Variants in CPQ observed in about 807,000 individuals in gnomAD.
The protein encoded by CPQ is Ser-Met dipeptidase.
CPQ carries 37 observed loss-of-function variants against 45.7 expected under a neutral mutation model. That is an observed-to-expected ratio of 0.81 (90% CI 0.62 to 1.07). The LOEUF is 1.07. Ranked by LOEUF, CPQ falls within the 50% of genes least tolerant of loss-of-function variation. The probability of loss-of-function intolerance (pLI) is 0.00; values close to 1 mark genes in which losing one functional copy is unlikely to be tolerated. For missense variants in CPQ, 537 were observed against 572.9 expected, an observed-to-expected ratio of 0.94 and a Z score of 0.64; for synonymous variants, 186 against 205.8, an observed-to-expected ratio of 0.90 and a Z score of 0.82.
At chr8:96,792,203 G>A (rs529911844) in intron 2 of CPQ, among the ~76,000 whole-genome samples, 1 of 152,264 alleles carries the variant, frequency 6.6e-6, no homozygotes, top group South Asian at 2.1e-4. Flanking sequence ...AGTCCGAAGA[G>A]ATGAAGGACA....
At chr8:96,965,681 T>G (rs1813544309) in intron 4 of CPQ, among the ~76,000 whole-genome samples, 1 of 152,280 alleles carries the variant, frequency 6.6e-6, no homozygotes, top group South Asian at 2.1e-4. Context: ...GCCAATTTCT[T>G]TAGTAGTCAA....
At chr8:96,879,605 T>C (rs1180770203) in intron 3 of CPQ, among the ~76,000 whole-genome samples, 193 bp from the exon 4 acceptor site, 4 of 152,244 alleles carry the variant, frequency 2.6e-5, no homozygotes, top group African/African-American at 7.2e-5. Flanking sequence ...AATTGAAGTT[T>C]CTAATTTATT....
chr8:96,845,342 G>A (rs1394488059), intron 3 of CPQ, among the ~76,000 whole-genome samples: 2 of 152,146 alleles, frequency 1.3e-5, no homozygotes, highest in Non-Finnish European at 2.9e-5. Context: ...GTACCTCATT[G>A]TATTCTCAGT....
At chr8:96,987,275 G>T (rs894645537) in intron 5 of CPQ, among the ~76,000 whole-genome samples, 3 of 152,096 alleles carry the variant, frequency 2.0e-5, no homozygotes, top group Non-Finnish European at 4.4e-5. Context: ...AAAACCAATA[G>T]TGTCTTTCAG....
At chr8:96,947,350 G>C (rs955478958) in intron 4 of CPQ, among the ~76,000 whole-genome samples, 19 of 152,112 alleles carry the variant, frequency 1.2e-4, no homozygotes, top group Non-Finnish European at 1.6e-4. Context: ...TATGGTGCTT[G>C]CACAACAAAG....
At chr8:96,687,267 C>T (rs892765573) in intron 1 of CPQ, among the ~76,000 whole-genome samples, 2 of 151,212 alleles carry the variant, frequency 1.3e-5, no homozygotes, top group Non-Finnish European at 2.9e-5. Context: ...GGCTGGAGTG[C>T]AATGGTGCAA....
intron 6 of CPQ, among the ~76,000 whole-genome samples, chr8:97,045,808 T>A (rs1465651557): frequency 6.6e-6 from 1 of 152,208 alleles, no homozygotes; most frequent in Non-Finnish European, 1.5e-5. Context: ...CAAAGAGTGG[T>A]CTCTCTAAGA....
In CPQ at chr8:97,098,454, G is replaced by C. The variant is rs1031196048; in HGVS notation, c.1255+32244G>C. On this transcript the variant is annotated intron_variant, in intron 7 of 7. Coordinates refer to ENST00000220763, the MANE Select transcript of CPQ (RefSeq NM_016134.4). ...CATACTCCCCTTCCAACTCTAGACA[G>C]CAACTCTCAGCAGAAGCCCTGCTGG... is the stretch of plus-strand genomic sequence containing the variant. Among the ~76,000 whole-genome samples, 6 of 152,136 alleles carry C rather than the reference G, an allele frequency of 3.9e-5. 1 individual carries two copies. The highest frequency in any genetic ancestry group is 3.9e-4 in the Admixed American group (6 of 15,266).
chr8:96,793,886 A>G (rs1810886889), intron 2 of CPQ, among the ~76,000 whole-genome samples: 1 of 152,222 alleles, frequency 6.6e-6, no homozygotes. Flanking sequence ...TAAAGCTTCA[A>G]AATGATCTCC....
intron 7 of CPQ, among the ~76,000 whole-genome samples, chr8:97,115,321 G>T (rs1406425330): frequency 6.6e-6 from 1 of 152,178 alleles, no homozygotes; most frequent in Admixed American, 6.5e-5. Flanking sequence ...ATATTGGCAG[G>T]GGTGAGTGTG....
At chr8:96,869,365 GA>G (rs1319200885) in intron 3 of CPQ, among the ~76,000 whole-genome samples, 1 of 151,878 alleles carries the variant, frequency 6.6e-6, no homozygotes, top group Non-Finnish European at 1.5e-5. Context: ...TGGTTTTAGA[GA>G]AAAAAACACT....
chr8:96,939,246 G>C (rs1439322504), intron 4 of CPQ, among the ~76,000 whole-genome samples: 1 of 152,202 alleles, frequency 6.6e-6, no homozygotes, highest in African/African-American at 2.4e-5. Flanking sequence ...TAAGGAGCAT[G>C]CATGTGCAGT....
intron 2 of CPQ, among the ~76,000 whole-genome samples, chr8:96,823,277 T>C (rs942535399): frequency 1.3e-5 from 2 of 152,032 alleles, no homozygotes; most frequent in East Asian, 1.9e-4. Context: ...CATTCCACAT[T>C]TTATACTCAT....
intron 7 of CPQ, 91 bp from the exon 8 acceptor site, chr8:97,142,929 T>C: frequency 8.0e-7 from 1 of 1,257,086 alleles, no homozygotes; most frequent in Non-Finnish European, 1.1e-6. Flanking sequence ...GACTGTATAA[T>C]AGGAGCAGGC....
At chr8:96,988,080 T>G (rs1202766008) in intron 5 of CPQ, among the ~76,000 whole-genome samples, 2 of 152,226 alleles carry the variant, frequency 1.3e-5, no homozygotes, top group Non-Finnish European at 2.9e-5. Flanking sequence ...AGACACTTTT[T>G]GTTGTTTTTG....
At chr8:97,049,591 G>A (rs1021520345) in intron 6 of CPQ, among the ~76,000 whole-genome samples, 2 of 152,212 alleles carry the variant, frequency 1.3e-5, no homozygotes, top group African/African-American at 4.8e-5. Context: ...GTGACACATT[G>A]AGATGGGTTA....
chr8:96,805,723 T>A (rs1200726285), intron 2 of CPQ, among the ~76,000 whole-genome samples: 1 of 152,116 alleles, frequency 6.6e-6, no homozygotes, highest in Non-Finnish European at 1.5e-5. Context: ...CCACTGTAAC[T>A]TGTCCCTAGT....
At chr8:97,048,728 A>C (rs995228357) in intron 6 of CPQ, among the ~76,000 whole-genome samples, 7 of 152,220 alleles carry the variant, frequency 4.6e-5, no homozygotes, top group Non-Finnish European at 1.5e-5. Context: ...GCCTAATACA[A>C]CAGAGGTGGA....
intron 5 of CPQ, among the ~76,000 whole-genome samples, chr8:96,982,810 C>T (rs1239559499): frequency 2.6e-5 from 4 of 152,160 alleles, no homozygotes; most frequent in South Asian, 2.1e-4. Flanking sequence ...CACTATTACT[C>T]CTTTGACAGA....
Sources: gnomAD v4.1 joint callset for allele counts (sites outside exome capture counted in the v4.1 genomes callset) on GRCh38, gnomAD v4.1.1 for gene constraint, MANE v1.5 for transcripts, NCBI Gene and HGNC (gene_info 2026-07-23, HGNC 2026-07-21) for gene names.